OXR1: variants seen among roughly 807,000 people sequenced by gnomAD.
The protein encoded by OXR1 is oxidation resistance 1.
Under a neutral mutation model 104.6 loss-of-function variants are expected in OXR1, and 41 were observed. The observed-to-expected ratio is 0.39, with a 90% CI of 0.31 to 0.51. OXR1 has a LOEUF of 0.51. Among genes scored for constraint, OXR1 ranks in the 20% least tolerant of loss-of-function variants. The pLI is 0.77. For synonymous variants in OXR1, 348 were observed against 348.4 expected, an observed-to-expected ratio of 1.00 and a Z score of 0.01; for missense variants, 955 against 1,031.9, an observed-to-expected ratio of 0.93 and a Z score of 1.02.
chr8:106,331,821 A>T (rs1200396257), intron 1 of OXR1, among the ~76,000 whole-genome samples: 1 of 151,930 alleles, frequency 6.6e-6, no homozygotes, highest in Non-Finnish European at 1.5e-5. Flanking sequence ...TGCACCTGTA[A>T]TCCCAGTATG....
chr8:106,691,969 G>A (rs1315546198), intron 6 of OXR1, among the ~76,000 whole-genome samples: 1 of 130,814 alleles, frequency 7.6e-6, no homozygotes, highest in African/African-American at 3.5e-5. Context: ...ATATATGTGT[G>A]TGTGTGTCTA....
chr8:106,313,898 A>G (rs1044847351), intron 1 of OXR1, among the ~76,000 whole-genome samples: 4 of 152,296 alleles, frequency 2.6e-5, no homozygotes, highest in Non-Finnish European at 5.9e-5. Context: ...GAGATCAATC[A>G]TACCATTATT....
chr8:106,487,028 T>C (rs897719798), intron 2 of OXR1, among the ~76,000 whole-genome samples: 1 of 149,980 alleles, frequency 6.7e-6, no homozygotes, highest in African/African-American at 2.5e-5. Flanking sequence ...ACACTTTTTT[T>C]TTTTTTTTTT....
At chr8:106,695,568 C>T (rs1018097431) in intron 7 of OXR1, among the ~76,000 whole-genome samples, 11 of 151,964 alleles carry the variant, frequency 7.2e-5, no homozygotes, top group Non-Finnish European at 1.2e-4. Flanking sequence ...CAGGCACATG[C>T]CACCACGTCT....
intron 1 of OXR1, among the ~76,000 whole-genome samples, chr8:106,314,342 C>A (rs1357241405): frequency 6.6e-6 from 1 of 152,154 alleles, no homozygotes; most frequent in Non-Finnish European, 1.5e-5. Flanking sequence ...GCCACCATAC[C>A]ATTTTCACCA....
chr8:106,695,714 G>A lies in OXR1; in HGVS notation c.675+2837G>A, dbSNP rs897795266. Reference sequence around the variant, plus strand: ...GTTACAGGCGTGAGCTACCGCACCCGGCACGTTTATGTACATTTTCAAAAT... The same window carrying A: ...GTTACAGGCGTGAGCTACCGCACCCAGCACGTTTATGTACATTTTCAAAAT... On this transcript the variant is annotated intron_variant, in intron 7 of 16. Coordinates refer to ENST00000517566, the MANE Select transcript of OXR1 (RefSeq NM_001198533.2). Among the ~76,000 whole-genome samples the A allele has an allele frequency of 1.1e-4, 16 of 152,038 alleles. No homozygotes were observed. The South Asian group carries it at 3.3e-3, about 32-fold the overall frequency.
chr8:106,331,997 A>AGTGTGTGTGTGTGTGTGT (rs3073756), intron 1 of OXR1, among the ~76,000 whole-genome samples: 1 of 138,080 alleles, frequency 7.2e-6, no homozygotes, highest in African/African-American at 2.7e-5. Context: ...GAAAGAACAT[A>AGTGTGTGTGTGTGTGTGT]GTGTGTGTGT....
chr8:106,664,772 A>C lies in OXR1; in HGVS notation c.221-14438A>C, dbSNP rs140576597. ...TAGGGTTTTTAATATTTTTCTCAGG[A>C]GGTTTACTTGTTAGAAGCAATGTGT... is the stretch of plus-strand genomic sequence containing the variant. On this transcript the variant is annotated intron_variant, in intron 3 of 16. Coordinates refer to ENST00000517566, the MANE Select transcript of OXR1 (RefSeq NM_001198533.2). Among the ~76,000 whole-genome samples the C allele has an allele frequency of 3.2e-3, 493 of 152,358 alleles. 1 individual carries two copies. The highest frequency in any genetic ancestry group is 5.0e-3 in the Admixed American group (77 of 15,310).
At chr8:106,702,283 A>T (rs1830654485) in intron 7 of OXR1, among the ~76,000 whole-genome samples, 1 of 152,132 alleles carries the variant, frequency 6.6e-6, no homozygotes, top group African/African-American at 2.4e-5. Context: ...ATATAAATAT[A>T]TTTAAAATTT....
intron 2 of OXR1, among the ~76,000 whole-genome samples, chr8:106,496,546 C>A (rs956887736): frequency 6.6e-6 from 1 of 152,160 alleles, no homozygotes; most frequent in Non-Finnish European, 1.5e-5. Context: ...ATTACTAGTA[C>A]TATACCAGGA....
chr8:106,447,338 G>A (rs1820052371), intron 2 of OXR1, among the ~76,000 whole-genome samples: 1 of 152,164 alleles, frequency 6.6e-6, no homozygotes, highest in Admixed American at 6.5e-5. Context: ...AGATCTGAAA[G>A]CAATGTATGA....
intron 1 of OXR1, among the ~76,000 whole-genome samples, chr8:106,312,005 A>G (rs1415471267): frequency 8.4e-6 from 1 of 118,402 alleles, no homozygotes; most frequent in African/African-American, 3.2e-5. Context: ...CTACACCCCC[A>G]CCCCCCTGCC....
Position 106,551,789 on chromosome 8 carries a change from C to CATATAT in OXR1, c.220+32670_220+32675dup, listed in dbSNP as rs200289561. Among the ~76,000 whole-genome samples the CATATAT allele has an allele frequency of 4.4e-3, 566 of 127,270 alleles. 3 individuals are homozygous for CATATAT. The highest frequency in any genetic ancestry group is 7.8e-3 in the Middle Eastern group (2 of 256). The allele number at this position is 127,270 out of a possible 152,430, so 83.5% of individuals were successfully genotyped here. On this transcript the variant is annotated intron_variant, in intron 3 of 16. Transcript: ENST00000517566. ...AAAGTGAGACCCTGTCTCCACTATA[C>CATATAT]ATATATATATATATATATATATATA... is the stretch of plus-strand genomic sequence containing the variant.
At chr8:106,456,642 CT>C (rs2130633981) in intron 2 of OXR1, among the ~76,000 whole-genome samples, 1 of 152,142 alleles carries the variant, frequency 6.6e-6, no homozygotes, top group Admixed American at 6.5e-5. Flanking sequence ...TACATGTTTT[CT>C]TTGCAGCTTG....
In OXR1 at chr8:106,703,642, C is replaced by T. The variant is rs550364631; in HGVS notation, c.860+552C>T. ...TATAAAGAGTTAACTTTGGAATATACTGGTCAGAGGATTTGTGTGATATGT... is the reference window on the plus strand; with the variant it reads ...TATAAAGAGTTAACTTTGGAATATATTGGTCAGAGGATTTGTGTGATATGT... On this transcript the variant is annotated intron_variant, in intron 8 of 16. Transcript: ENST00000517566. Among the ~76,000 whole-genome samples the T allele has an allele frequency of 3.9e-5, 6 of 152,112 alleles. No homozygotes were observed. In the South Asian group the frequency reaches 1.2e-3, roughly 32 times the overall value.
At chr8:106,420,203 A>C (rs989861768) in intron 2 of OXR1, among the ~76,000 whole-genome samples, 5 of 152,148 alleles carry the variant, frequency 3.3e-5, no homozygotes, top group Admixed American at 2.0e-4. Context: ...TGAAAGTTAT[A>C]GCATTTGTTA....
intron 3 of OXR1, among the ~76,000 whole-genome samples, chr8:106,611,755 G>GATGGCAAA (rs1820828857): frequency 6.6e-6 from 1 of 152,140 alleles, no homozygotes; most frequent in Non-Finnish European, 1.5e-5. Flanking sequence ...GCCAGCATTA[G>GATGGCAAA]GTGGGGATGG....
intron 3 of OXR1, among the ~76,000 whole-genome samples, chr8:106,650,420 C>G (rs1824466649): frequency 6.6e-6 from 1 of 152,218 alleles, no homozygotes; most frequent in Admixed American, 6.5e-5. Context: ...ACTTGATATG[C>G]CTGTAACTCT....
chr8:106,281,676 TGTAGTC>T (rs1812289053), intron 1 of OXR1, among the ~76,000 whole-genome samples: 2 of 151,880 alleles, frequency 1.3e-5, no homozygotes, highest in Admixed American at 1.3e-4. Context: ...GGCGCACGCC[TGTAGTC>T]CCAGCTACAT....
Sources: gnomAD v4.1 joint callset for allele counts (sites outside exome capture counted in the v4.1 genomes callset) on GRCh38, gnomAD v4.1.1 for gene constraint, MANE v1.5 for transcripts, NCBI Gene and HGNC (gene_info 2026-07-23, HGNC 2026-07-21) for gene names.